The following WASHC2A variants were observed in gnomAD, a reference collection of about 807,000 sequenced individuals.
WASHC2A encodes the protein WASH complex subunit 2A.
In WASHC2A, 82 loss-of-function variants were observed where a neutral mutation model predicts 140.3. The observed-to-expected ratio is 0.58, with a 90% CI of 0.49 to 0.70. The LOEUF is 0.70. Among genes scored for constraint, WASHC2A ranks in the 30% least tolerant of loss-of-function variants. The pLI, the probability that WASHC2A is intolerant of heterozygous loss-of-function variation, is 0.00. For missense variants in WASHC2A, 985 were observed against 1,521.8 expected (o/e 0.65, Z 5.87); for synonymous variants, 340 against 560.8 (o/e 0.61, Z 5.56).
At chr10:50,095,509 A>T (rs1840397458) in intron 14 of WASHC2A, 90 bp from the exon 15 acceptor site, 1 of 1,530,564 alleles carries the variant, frequency 6.5e-7, no homozygotes, top group Admixed American at 2.0e-5. Context: ...ACTGAAATGG[A>T]AAGTTTTTGG....
At chr10:50,110,765 C>T (rs1199491616) in intron 20 of WASHC2A, among the ~76,000 whole-genome samples, 5 of 151,490 alleles carry the variant, frequency 3.3e-5, no homozygotes, top group African/African-American at 7.3e-5. Flanking sequence ...TGGTGGCACG[C>T]GCCTGTAGTC....
intron 4 of WASHC2A, 58 bp downstream of exon 4, chr10:50,078,795 T>C: frequency 6.2e-7 from 1 of 1,611,548 alleles, no homozygotes; most frequent in East Asian, 2.2e-5. Flanking sequence ...GTGGTGGAGA[T>C]CGATGTGTTA....
chr10:50,107,428 G>T (rs1382400982), intron 19 of WASHC2A, among the ~76,000 whole-genome samples: 1 of 149,236 alleles, frequency 6.7e-6, no homozygotes, highest in Non-Finnish European at 1.5e-5. Flanking sequence ...ATTTAGCTGT[G>T]CAGAAAAAGA....
chr10:50,072,843 A>G (rs1837985976), intron 3 of WASHC2A, among the ~76,000 whole-genome samples: 1 of 152,112 alleles, frequency 6.6e-6, no homozygotes, highest in Non-Finnish European at 1.5e-5. Context: ...AGGTGTTACA[A>G]TTCCAGCTTG....
intron 15 of WASHC2A, among the ~76,000 whole-genome samples, chr10:50,097,434 G>C (rs1840594486): frequency 6.7e-6 from 1 of 149,078 alleles, no homozygotes; most frequent in African/African-American, 2.5e-5. Flanking sequence ...ATGGCTGCTT[G>C]GATAAGCATG....
At chr10:50,084,822 A>G (rs1414435011) in intron 6 of WASHC2A, among the ~76,000 whole-genome samples, 8 of 133,030 alleles carry the variant, frequency 6.0e-5, no homozygotes, top group African/African-American at 1.5e-4. Flanking sequence ...TGCAACCTCC[A>G]CCTCCTGGGT....
chr10:50,129,657 C>T lies in WASHC2A; in HGVS notation c.3326C>T (p.Pro1109Leu). The T allele has an allele frequency of 1.9e-6, 3 of 1,612,058 alleles. No homozygotes were observed. The highest frequency in any genetic ancestry group is 1.1e-5 in the South Asian group (1 of 90,996). ...AAAPWEGGPV[P>L]GVDRSPFAKS... ...GCACCTTGGGAAGGTGGTCCTGTGCCTGGAGTGGACAGAAGCCCCTTTGCA... is the reference window on the plus strand; with the variant it reads ...GCACCTTGGGAAGGTGGTCCTGTGCTTGGAGTGGACAGAAGCCCCTTTGCA... The change falls in exon 29 of 31, where the codon CCT (proline) becomes CTT (leucine). Residue 1109 changes from proline to leucine, a missense_variant. Physicochemically the swap from Pro to Leu is moderately conservative, Grantham distance 98. Coordinates refer to ENST00000282633, the MANE Select transcript of WASHC2A (RefSeq NM_001005751.3).
chr10:50,080,397 C>T (rs1415682174), intron 4 of WASHC2A, among the ~76,000 whole-genome samples: 44 of 146,906 alleles, frequency 3.0e-4, no homozygotes, highest in African/African-American at 1.0e-3. Flanking sequence ...AACCAGGGCT[C>T]GTGGGATAGT....
intron 25 of WASHC2A, 81 bp from the exon 26 acceptor site, chr10:50,125,976 A>C (rs2133069529): frequency 6.3e-7 from 1 of 1,577,258 alleles, no homozygotes; most frequent in East Asian, 2.2e-5. Flanking sequence ...CTCAGAAGCC[A>C]GGATTGTTTT....
At chr10:50,132,292 A>G (rs1844042021) in intron 30 of WASHC2A, among the ~76,000 whole-genome samples, 1 of 152,284 alleles carries the variant, frequency 6.6e-6, no homozygotes, top group Non-Finnish European at 1.5e-5. Context: ...GGTAAGTACC[A>G]TAATTAGATA....
chr10:50,126,442 G>C (rs2133075099), intron 26 of WASHC2A: 1 of 311,174 alleles, frequency 3.2e-6, no homozygotes, highest in East Asian at 6.2e-5. Flanking sequence ...AGTTAAGGTA[G>C]GATGAAGAAT....
rs1286288763 is a variant in WASHC2A at position 50,127,606 on chromosome 10, G to A, written c.2898G>A (p.Ala966=). 11 of 1,609,378 alleles carry A rather than the reference G, an allele frequency of 6.8e-6. No individual in the cohort carries two copies. Among genetic ancestry groups the A allele is most frequent in the African/African-American group, 1.3e-5 (1 of 74,126 alleles). The change falls in exon 28 of 31, where the codon GCG becomes GCA. Residue 966 remains alanine (A), a synonymous_variant. Coordinates refer to ENST00000282633, the MANE Select transcript of WASHC2A (RefSeq NM_001005751.3). Reference sequence around the variant, plus strand: ...AGGCAAATTTAGCGATCAACCCAGCGGCCTTGCTGCCCACAGCGGCTTCCC... The same window carrying A: ...AGGCAAATTTAGCGATCAACCCAGCAGCCTTGCTGCCCACAGCGGCTTCCC... The part of the protein sequence containing the change: ...KIQANLAINP[A]ALLPTAASQI...
intron 8 of WASHC2A, among the ~76,000 whole-genome samples, chr10:50,090,502 CAAAA>C (rs1228908369): frequency 9.2e-6 from 1 of 108,604 alleles, no homozygotes; most frequent in African/African-American, 3.2e-5. Context: ...GACTCCATCT[CAAAA>C]AAAAAAAAAA....
intron 2 of WASHC2A, 102 bp downstream of exon 2, chr10:50,068,329 T>G (rs1160036938): frequency 8.0e-7 from 1 of 1,255,654 alleles, no homozygotes; most frequent in Non-Finnish European, 1.1e-6. Context: ...CCCGTCCCGT[T>G]GCCTGCCCTC....
rs781987471 is a variant in WASHC2A at position 50,068,153 on chromosome 10, G to T, written c.52G>T (p.Val18Leu). Reference sequence around the variant, plus strand: ...GGAGCTGGCGCCAGCGTCGGAGCCCGTGTGGGAGCGGCCGTGGTCGGTGGA... The same window carrying T: ...GGAGCTGGCGCCAGCGTCGGAGCCCTTGTGGGAGCGGCCGTGGTCGGTGGA... ...DQELAPASEP[V>L]WERPWSVEEI... The change falls in exon 2 of 31, where the codon GTG (valine) becomes TTG (leucine). Residue 18 changes from valine (V) to leucine (L), a missense_variant. Transcript: ENST00000282633. The T allele has an allele frequency of 1.2e-6, 2 of 1,602,176 alleles. No individual in the cohort carries two copies. Among genetic ancestry groups the T allele is most frequent in the Non-Finnish European group, 8.5e-7 (1 of 1,175,314 alleles).
At chr10:50,085,878 T>C (rs2132485891) in intron 7 of WASHC2A, among the ~76,000 whole-genome samples, 1 of 152,096 alleles carries the variant, frequency 6.6e-6, no homozygotes, top group Middle Eastern at 3.4e-3. Context: ...GCCTGGGATA[T>C]AGTCTTTGAG....
intron 19 of WASHC2A, among the ~76,000 whole-genome samples, chr10:50,109,227 G>T (rs1346606178): frequency 8.5e-5 from 13 of 152,170 alleles, no homozygotes; most frequent in African/African-American, 2.9e-4. Context: ...GCAAGTGCTT[G>T]GGAGTTCTTT....
intron 3 of WASHC2A, among the ~76,000 whole-genome samples, chr10:50,077,457 A>G (rs1221780780): frequency 6.6e-6 from 1 of 152,204 alleles, no homozygotes; most frequent in Non-Finnish European, 1.5e-5. Context: ...ATTTTAAAAT[A>G]CATCTCTTTT....
chr10:50,103,845 T>G (rs1324370877), intron 17 of WASHC2A, among the ~76,000 whole-genome samples, 197 bp from the exon 18 acceptor site: 2 of 152,096 alleles, frequency 1.3e-5, no homozygotes, highest in African/African-American at 4.8e-5. Context: ...CTCCTCCTCC[T>G]TAGTGCCACT....
Sources: gnomAD v4.1 joint callset for allele counts (sites outside exome capture counted in the v4.1 genomes callset) on GRCh38, gnomAD v4.1.1 for gene constraint, MANE v1.5 for transcripts, NCBI Gene and HGNC (gene_info 2026-07-23, HGNC 2026-07-21) for gene names.